Variants in RARB observed in about 807,000 individuals in gnomAD.
The protein encoded by RARB is HBV-activated protein.
In RARB, 17 loss-of-function variants were observed where a neutral mutation model predicts 51.9. The ratio of observed to expected loss-of-function variants is 0.33; its 90% confidence interval spans 0.22 to 0.49. The LOEUF (loss-of-function observed/expected upper bound fraction) is 0.49, where lower values mean the gene tolerates loss of function less well. Among genes scored for constraint, RARB ranks in the 20% least tolerant of loss-of-function variants. The pLI is 0.99. For missense variants in RARB, 369 were observed against 550.8 expected (o/e 0.67, Z 3.30); for synonymous variants, 215 against 195.4 (o/e 1.10, Z -0.84).
Position 25,428,643 on chromosome 3 carries a change from TTTGATGGAG to T in RARB, c.-85_-77del. The T allele has an allele frequency of 6.8e-7, 1 of 1,463,674 alleles. No individual in the cohort carries two copies. The highest frequency in any genetic ancestry group is 1.5e-5 in the South Asian group (1 of 65,432). The allele number at this position is 1,463,674 out of a possible 1,614,324, so 90.7% of individuals were successfully genotyped here. ...CCTACGTGCCAAAAAAGGGGCAGAG[TTTGATGGAG>T]TTGGGTGGACTTTTCTATGCCATTT... On this transcript the variant is annotated 5_prime_UTR_variant, in exon 1 of 8. An upstream start codon of the reference 5' UTR is lost. Coordinates refer to ENST00000330688, the MANE Select transcript of RARB (RefSeq NM_000965.5).
chr3:25,049,715 C>T (rs1014167324), intron 2 of RARB, among the ~76,000 whole-genome samples: 1 of 152,202 alleles, frequency 6.6e-6, no homozygotes, highest in Non-Finnish European at 1.5e-5. Context: ...TATTTTAGCT[C>T]AGCATCTTCA....
intron 5 of RARB, among the ~76,000 whole-genome samples, chr3:25,194,459 G>GTA (rs1317401431): frequency 6.7e-6 from 1 of 150,122 alleles, no homozygotes; most frequent in African/African-American, 2.5e-5. Flanking sequence ...TAATCAAATA[G>GTA]TATATATATA....
intron 3 of RARB, among the ~76,000 whole-genome samples, chr3:25,506,769 G>A (rs1455139515): frequency 4.6e-5 from 7 of 152,268 alleles, no homozygotes. Context: ...TGGCCCACAG[G>A]CCATGGTTTG....
chr3:25,593,446 T>G, intron 5 of RARB, 57 bp from the exon 6 acceptor site: 1 of 1,480,188 alleles, frequency 6.8e-7, no homozygotes, highest in Non-Finnish European at 9.4e-7. Context: ...TTACATCTGA[T>G]TGATGATTTC....
intron 3 of RARB, among the ~76,000 whole-genome samples, chr3:25,109,120 G>A (rs1338172740): frequency 6.6e-6 from 1 of 152,164 alleles, no homozygotes; most frequent in East Asian, 1.9e-4. Context: ...GATGTAACAT[G>A]CAAATCACCT....
At chr3:25,216,662 T>G (rs1701839616) in intron 5 of RARB, among the ~76,000 whole-genome samples, 1 of 151,662 alleles carries the variant, frequency 6.6e-6, no homozygotes, top group East Asian at 1.9e-4. Context: ...CATGTATACT[T>G]ATTGCAACAA....
At chr3:24,925,501 G>C (rs887874148) in intron 2 of RARB, among the ~76,000 whole-genome samples, 3 of 151,714 alleles carry the variant, frequency 2.0e-5, no homozygotes, top group Non-Finnish European at 2.9e-5. Flanking sequence ...AATTTAGCTG[G>C]GCATGGTGTG....
intron 2 of RARB, among the ~76,000 whole-genome samples, chr3:24,913,152 GT>G (rs1219418219): frequency 6.6e-6 from 1 of 150,886 alleles, no homozygotes; most frequent in Non-Finnish European, 1.5e-5. Flanking sequence ...GGCTAATTTT[GT>G]TTTTGTATTT....
At position 25,413,706 on chromosome 3, in the gene RARB, G is replaced by A. The variant is rs547197035; in HGVS notation, c.179-47487G>A. On this transcript the variant is annotated intron_variant, in intron 5 of 11. Transcript: ENST00000383772. Reference sequence around the variant, plus strand: ...TTTTAGACATTTTGGTAGATGTGTCGTGCTATTGCATTGTGGTCTTAAATT... The same window carrying A: ...TTTTAGACATTTTGGTAGATGTGTCATGCTATTGCATTGTGGTCTTAAATT... Among the ~76,000 whole-genome samples the A allele has an allele frequency of 4.5e-4, 68 of 151,956 alleles. 2 individuals are homozygous for A. In the South Asian group the frequency reaches 0.012, roughly 27 times the overall value.
intron 5 of RARB, among the ~76,000 whole-genome samples, chr3:25,327,619 T>A (rs898093531): frequency 2.0e-5 from 3 of 152,214 alleles, no homozygotes; most frequent in Non-Finnish European, 4.4e-5. Context: ...TAATCTGATC[T>A]TGAGGTTTGG....
intron 5 of RARB, among the ~76,000 whole-genome samples, chr3:25,250,535 T>C (rs1486174658): frequency 1.3e-5 from 2 of 152,098 alleles, no homozygotes; most frequent in African/African-American, 4.8e-5. Flanking sequence ...AGATGTGTGG[T>C]GTCCCCACTA....
chr3:24,926,698 T>C (rs902188081), intron 2 of RARB, among the ~76,000 whole-genome samples: 1 of 152,046 alleles, frequency 6.6e-6, no homozygotes, highest in Admixed American at 6.6e-5. Context: ...TACATCATGA[T>C]GGAGATGACA....
At chr3:25,015,548 G>A (rs1174371245) in intron 2 of RARB, among the ~76,000 whole-genome samples, 1 of 152,132 alleles carries the variant, frequency 6.6e-6, no homozygotes, top group Non-Finnish European at 1.5e-5. Context: ...GATAGGACCT[G>A]TCAGTAATTC....
intron 3 of RARB, among the ~76,000 whole-genome samples, chr3:25,116,326 A>G (rs966584390): frequency 6.6e-6 from 1 of 152,174 alleles, no homozygotes; most frequent in South Asian, 2.1e-4. Context: ...TTTTAGCAGA[A>G]GTCAAAGTAA....
intron 5 of RARB, among the ~76,000 whole-genome samples, chr3:25,585,669 C>T (rs897486614): frequency 1.1e-4 from 16 of 152,180 alleles, no homozygotes; most frequent in African/African-American, 3.6e-4. Context: ...GCAGAAGCAG[C>T]GAGAGGGTCC....
intron 2 of RARB, among the ~76,000 whole-genome samples, chr3:24,920,242 T>C (rs1695189697): frequency 6.6e-6 from 1 of 152,216 alleles, no homozygotes; most frequent in Admixed American, 6.5e-5. Context: ...AGTCCACCTC[T>C]ATCCCCAATT....
At chr3:25,172,753 T>C (rs182263716) in intron 4 of RARB, among the ~76,000 whole-genome samples, 9 of 152,324 alleles carry the variant, frequency 5.9e-5, no homozygotes, top group African/African-American at 1.7e-4. Flanking sequence ...ATAACAAATA[T>C]GTTAATGTTA....
At chr3:25,005,737 C>G (rs9842801) in intron 2 of RARB, among the ~76,000 whole-genome samples, 84,362 of 151,966 alleles carry the variant, frequency 0.56, 24,251 homozygotes, top group African/African-American at 0.7. Flanking sequence ...TGAAAGCTAT[C>G]TTCGAGGCTG....
At chr3:25,098,570 A>T (rs1699343812) in intron 3 of RARB, among the ~76,000 whole-genome samples, 1 of 152,154 alleles carries the variant, frequency 6.6e-6, no homozygotes, top group Non-Finnish European at 1.5e-5. Flanking sequence ...GGATTAACAA[A>T]CTACGGCTGG....
Sources: gnomAD v4.1 joint callset for allele counts (sites outside exome capture counted in the v4.1 genomes callset) on GRCh38, gnomAD v4.1.1 for gene constraint, MANE v1.5 for transcripts, NCBI Gene and HGNC (gene_info 2026-07-23, HGNC 2026-07-21) for gene names.